Variants in MYO9B observed in about 807,000 individuals in gnomAD.
MYO9B encodes unconventional myosin-IXb.
Under a neutral mutation model 229.5 loss-of-function variants are expected in MYO9B, and 71 were observed. That is an observed-to-expected ratio of 0.31 (90% CI 0.26 to 0.38). MYO9B has a LOEUF of 0.38. Among genes scored for constraint, MYO9B ranks in the 10% least tolerant of loss-of-function variants. The pLI is 1.00. For missense variants in MYO9B, 2,255 were observed against 2,920.5 expected, an observed-to-expected ratio of 0.77 and a Z score of 5.25; for synonymous variants, 1,185 against 1,235.8, an observed-to-expected ratio of 0.96 and a Z score of 0.86.
intron 2 of MYO9B, among the ~76,000 whole-genome samples, chr19:17,117,659 C>G (rs1442486018): frequency 6.6e-6 from 1 of 152,128 alleles, no homozygotes; most frequent in Non-Finnish European, 1.5e-5. Context: ...TATTCTCAGC[C>G]CGATGCGGTG....
At chr19:17,123,430 G>A in intron 2 of MYO9B, among the ~76,000 whole-genome samples, 1 of 99,132 alleles carries the variant, frequency 1.0e-5, no homozygotes, top group Non-Finnish European at 2.1e-5. Context: ...AAATTTGTGT[G>A]TGTGTGTGTG....
In MYO9B at chr19:17,101,917, AG is replaced by A; in HGVS notation, c.202del (p.Val68SerfsTer68). 1.2e-6 allele frequency: 2 copies of A among 1,613,594 alleles called. No individual in the cohort carries two copies. Among genetic ancestry groups the A allele is most frequent in the Non-Finnish European group, 1.7e-6 (2 of 1,179,830 alleles). On this transcript the variant is annotated frameshift_variant, in exon 2 of 40. Coordinates refer to ENST00000682292, the MANE Select transcript of MYO9B (RefSeq NM_004145.4). LOFTEE classifies it high-confidence loss of function. The surrounding 1 kb of genome is among the most constrained non-coding windows in gnomAD (Gnocchi z 4.7). ...GGCACCAAATGTTATGTGCTGGTGG[AG>A]GTCAAAGAGTCGGGAGGCGAGGAAT... ...LDGTKCYVLV[E>X]VKESGGEEWV...
intron 2 of MYO9B, among the ~76,000 whole-genome samples, chr19:17,121,444 A>AATAT (rs59741893): frequency 0.016 from 2,269 of 142,532 alleles, 71 homozygotes; most frequent in African/African-American, 0.045. Flanking sequence ...ATGTATTCCA[A>AATAT]ATATATATAT....
intron 15 of MYO9B, among the ~76,000 whole-genome samples, chr19:17,181,326 G>A (rs1043487931): frequency 2.0e-5 from 3 of 152,174 alleles, no homozygotes; most frequent in African/African-American, 2.4e-5. Context: ...GCCATCCTCC[G>A]TCTCCTCCCC....
At chr19:17,102,949 T>C (rs1310540894) in intron 2 of MYO9B, among the ~76,000 whole-genome samples, 1 of 145,196 alleles carries the variant, frequency 6.9e-6, no homozygotes, top group Non-Finnish European at 1.5e-5. Flanking sequence ...GTGTGGTGGC[T>C]CATGTCTATA....
At chr19:17,211,437 G>A (rs1049757117) in intron 38 of MYO9B, among the ~76,000 whole-genome samples, 4 of 152,094 alleles carry the variant, frequency 2.6e-5, no homozygotes. Context: ...ACCACGCCTG[G>A]CTAATTTTTT....
intron 2 of MYO9B, among the ~76,000 whole-genome samples, chr19:17,112,472 C>T (rs573180676): frequency 3.3e-5 from 5 of 152,180 alleles, no homozygotes; most frequent in African/African-American, 9.7e-5. Flanking sequence ...GCCCTGGACT[C>T]GGGCAGGAGC....
At chr19:17,202,976 T>C in intron 29 of MYO9B, 93 bp downstream of exon 29, 1 of 1,476,306 alleles carries the variant, frequency 6.8e-7, no homozygotes, top group East Asian at 2.5e-5. Context: ...CATGGGCCCG[T>C]CTGCACGCGT....
At chr19:17,137,125 G>A (rs1418898622) in intron 2 of MYO9B, among the ~76,000 whole-genome samples, 4 of 151,938 alleles carry the variant, frequency 2.6e-5, no homozygotes, top group Non-Finnish European at 5.9e-5. Context: ...CTACTCGGGA[G>A]GCTGAGGCAG....
At chr19:17,109,670 A>G (rs959782325) in intron 2 of MYO9B, among the ~76,000 whole-genome samples, 3 of 152,160 alleles carry the variant, frequency 2.0e-5, no homozygotes, top group African/African-American at 7.2e-5. Flanking sequence ...AATCTGTCCC[A>G]GGCCTCTCTC....
intron 2 of MYO9B, among the ~76,000 whole-genome samples, chr19:17,114,016 C>T (rs774500386): frequency 1.3e-5 from 2 of 152,086 alleles, no homozygotes; most frequent in Non-Finnish European, 2.9e-5. Flanking sequence ...TCCTGTGCAT[C>T]ATGGGGGACT....
intron 2 of MYO9B, among the ~76,000 whole-genome samples, chr19:17,131,649 G>A (rs566798193): frequency 6.6e-6 from 1 of 152,152 alleles, no homozygotes; most frequent in Admixed American, 6.6e-5. Context: ...AAAGGCAGGG[G>A]CGTTTGGAAG....
At chr19:17,087,884 C>T (rs567371122) in intron 1 of MYO9B, among the ~76,000 whole-genome samples, 17 of 150,706 alleles carry the variant, frequency 1.1e-4, no homozygotes, top group African/African-American at 4.1e-4. Context: ...GAGCCGAGAT[C>T]GCGCCATTGC....
At chr19:17,182,310 A>G (rs555342283) in intron 15 of MYO9B, among the ~76,000 whole-genome samples, 375 of 151,136 alleles carry the variant, frequency 2.5e-3, no homozygotes, top group Non-Finnish European at 3.7e-3. Context: ...CTGGTCTCAA[A>G]CTCCTGGGCT....
chr19:17,201,785 G>A, intron 26 of MYO9B, 141 bp from the exon 27 acceptor site: 1 of 648,756 alleles, frequency 1.5e-6, no homozygotes. Flanking sequence ...GAGAGACCAG[G>A]CTTGGCCAGA....
intron 2 of MYO9B, among the ~76,000 whole-genome samples, chr19:17,115,854 G>T (rs1315538938): frequency 2.0e-5 from 3 of 151,624 alleles, no homozygotes; most frequent in Non-Finnish European, 4.4e-5. Context: ...AGACAGCCCA[G>T]ATCACCAGCT....
chr19:17,087,201 G>C (rs557070910), intron 1 of MYO9B, among the ~76,000 whole-genome samples: 2 of 152,228 alleles, frequency 1.3e-5, no homozygotes, highest in Admixed American at 1.3e-4. Flanking sequence ...GGGCCTGGAG[G>C]GGTGGGCGTA....
Position 17,091,049 on chromosome 19 carries a change from A to G in MYO9B, c.-58-10611A>G, listed in dbSNP as rs145204523. Among the ~76,000 whole-genome samples, 10 of 152,298 alleles carry G rather than the reference A, an allele frequency of 6.6e-5. No homozygotes were observed. The East Asian group carries it at 9.7e-4, about 15-fold the overall frequency. On this transcript the variant is annotated intron_variant, in intron 1 of 39. Coordinates refer to ENST00000682292, the MANE Select transcript of MYO9B (RefSeq NM_004145.4). ...AGTGAGAACATTCTCTGAAGCTCTG[A>G]TAATCAAAACAGCGTGGCACCTCAC...
rs573792043 is a variant in MYO9B at position 17,143,463 on chromosome 19, G to T, written c.841-1934G>T. Among the ~76,000 whole-genome samples, 95 of 152,272 alleles carry T rather than the reference G, an allele frequency of 6.2e-4. 1 individual carries two copies. The highest frequency in any genetic ancestry group is 1.0e-3 in the Non-Finnish European group (70 of 68,016). ...TGAGGCCTATAGAAGCTCCATCCTC[G>T]CTGGAGCCCATTATCCTTAGCAAAC... is the stretch of plus-strand genomic sequence containing the variant. On this transcript the variant is annotated intron_variant, in intron 2 of 39. Coordinates refer to ENST00000682292, the MANE Select transcript of MYO9B (RefSeq NM_004145.4).
Sources: allele counts gnomAD v4.1 joint callset (sites outside exome capture counted in the v4.1 genomes callset), GRCh38; gene constraint gnomAD v4.1.1; non-coding constraint Gnocchi (gnomAD v3.1); transcripts MANE v1.5; gene names NCBI Gene and HGNC (gene_info 2026-07-23, HGNC 2026-07-21).